ABCC9: variants seen among roughly 807,000 people sequenced by gnomAD.
The protein encoded by ABCC9 is ATP binding cassette subfamily C member 9.
Under a neutral mutation model 188.3 loss-of-function variants are expected in ABCC9, and 95 were observed. That is an observed-to-expected ratio of 0.50 (90% CI 0.43 to 0.60). ABCC9 has a LOEUF of 0.60. ABCC9 is among the 20% of genes least tolerant of loss of function. The pLI, the probability that ABCC9 is intolerant of heterozygous loss-of-function variation, is 0.00. For missense variants in ABCC9, 1,102 were observed against 1,876.3 expected, an observed-to-expected ratio of 0.59 and a Z score of 7.62; for synonymous variants, 659 against 652.7, an observed-to-expected ratio of 1.01 and a Z score of -0.15.
chr12:21,915,300 G>GTA (rs1308564491), intron 7 of ABCC9, among the ~76,000 whole-genome samples: 66 of 132,912 alleles, frequency 5.0e-4, no homozygotes, highest in Middle Eastern at 4.2e-3. Context: ...ATATACATGT[G>GTA]TATATATATA....
intron 13 of ABCC9, among the ~76,000 whole-genome samples, 165 bp from the exon 14 acceptor site, chr12:21,894,339 G>A (rs1020731757): frequency 3.3e-5 from 5 of 151,964 alleles, no homozygotes; most frequent in Non-Finnish European, 7.4e-5. Context: ...ACTTGCTTTT[G>A]GTAAGTCCTG....
In ABCC9 at chr12:21,861,231, C is replaced by T. The variant is rs2418020; in HGVS notation, c.2340-176G>A. Reference sequence around the variant, plus strand: ...GATACATAAGTACTACTTCCCCCCCCTTTTTTTTTTTTTTTTGAAGACAGA... The same window carrying T: ...GATACATAAGTACTACTTCCCCCCCTTTTTTTTTTTTTTTTTGAAGACAGA... On this transcript the variant is annotated intron_variant, in intron 20 of 39. Coordinates refer to ENST00000261200, the MANE Select transcript of ABCC9 (RefSeq NM_020297.4). 0.58 allele frequency among the ~76,000 whole-genome samples: 85,854 copies of T among 148,342 alleles called. 25,994 individuals carry two copies. Among genetic ancestry groups the T allele is most frequent in the East Asian group, 0.7 (3,523 of 5,016 alleles).
rs921313221 is a variant in ABCC9 at position 21,887,762 on chromosome 12, A to G, written c.1911+64T>C. 7 of 1,052,080 alleles carry G rather than the reference A, an allele frequency of 6.7e-6. No homozygotes were observed. The Admixed American group carries it at 1.0e-4, about 15-fold the overall frequency. 65.2% of individuals were successfully genotyped at this position (1,052,080 alleles called of 1,614,324 possible). A position where few individuals can be genotyped will look rare whatever the true frequency, so the allele number is the denominator to read the frequency against. On this transcript the variant is annotated intron_variant, in intron 15 of 39. Coordinates refer to ENST00000261200, the MANE Select transcript of ABCC9 (RefSeq NM_020297.4). ...AATCTCTTCTAACTCAGTTGTATTA[A>G]TCTGTCCATTCTGCTGAGACTGTCC... is the stretch of plus-strand genomic sequence containing the variant.
intron 14 of ABCC9, among the ~76,000 whole-genome samples, chr12:21,891,041 A>T (rs1237476023): frequency 6.6e-6 from 1 of 152,076 alleles, no homozygotes. Context: ...AACTTCAAGG[A>T]TGGCCATTAT....
At chr12:21,901,184 A>G (rs1027191348) in intron 12 of ABCC9, among the ~76,000 whole-genome samples, 1 of 152,206 alleles carries the variant, frequency 6.6e-6, no homozygotes, top group Non-Finnish European at 1.5e-5. Context: ...TCAACCCAGA[A>G]TTTCATATCC....
intron 19 of ABCC9, among the ~76,000 whole-genome samples, chr12:21,864,097 T>A (rs922557150): frequency 2.6e-5 from 4 of 152,072 alleles, no homozygotes; most frequent in Non-Finnish European, 5.9e-5. Flanking sequence ...TACAGATGGA[T>A]CCCATCACTG....
At chr12:21,817,372 G>T in intron 32 of ABCC9, 65 bp from the exon 33 acceptor site, 1 of 1,520,648 alleles carries the variant, frequency 6.6e-7, no homozygotes, top group South Asian at 1.1e-5. Context: ...GTTAATCACC[G>T]GAAATTTTGG....
At chr12:21,891,594 T>C (rs1219584185) in intron 14 of ABCC9, among the ~76,000 whole-genome samples, 3 of 152,262 alleles carry the variant, frequency 2.0e-5, no homozygotes, top group East Asian at 1.9e-4. Context: ...AAAGAAAGCA[T>C]AGAATTGTTT....
chr12:21,876,816 G>C (rs1946374199), intron 16 of ABCC9, among the ~76,000 whole-genome samples: 1 of 152,168 alleles, frequency 6.6e-6, no homozygotes, highest in Admixed American at 6.5e-5. Context: ...CTGTTGTTTA[G>C]GAATTTTGCA....
intron 15 of ABCC9, among the ~76,000 whole-genome samples, chr12:21,883,950 A>G (rs1318539767): frequency 1.3e-5 from 2 of 152,348 alleles, no homozygotes; most frequent in Non-Finnish European, 2.9e-5. Flanking sequence ...TCAGTTTCAC[A>G]CAGAGATAAA....
At chr12:21,917,745 A>G (rs1366210826) in intron 5 of ABCC9, among the ~76,000 whole-genome samples, 2 of 152,190 alleles carry the variant, frequency 1.3e-5, no homozygotes, top group Admixed American at 1.3e-4. Flanking sequence ...CCGCAAAACT[A>G]CAATCAGCAT....
chr12:21,836,772 A>C (rs1944123248), intron 30 of ABCC9, among the ~76,000 whole-genome samples: 1 of 152,224 alleles, frequency 6.6e-6, no homozygotes, highest in Non-Finnish European at 1.5e-5. Flanking sequence ...CAACAACAAA[A>C]AAAAGAAAAA....
At chr12:21,870,761 T>G (rs922461206) in intron 18 of ABCC9, among the ~76,000 whole-genome samples, 5 of 146,030 alleles carry the variant, frequency 3.4e-5, no homozygotes, top group Admixed American at 1.4e-4. Flanking sequence ...ATTTAAAAAT[T>G]TTCTTTATCT....
At chr12:21,912,846 T>C (rs1039342333) in intron 8 of ABCC9, 26 bp downstream of exon 8, 3 of 1,606,076 alleles carry the variant, frequency 1.9e-6, no homozygotes, top group African/African-American at 1.3e-5. Flanking sequence ...ATAATATGTT[T>C]CCATTGAAAA....
At chr12:21,874,835 G>A (rs1213358661) in intron 17 of ABCC9, among the ~76,000 whole-genome samples, 1 of 152,070 alleles carries the variant, frequency 6.6e-6, no homozygotes, top group Non-Finnish European at 1.5e-5. Flanking sequence ...AACTAATTTA[G>A]TCAAAATTTT....
chr12:21,811,243 G>T (rs1488222554), intron 36 of ABCC9, among the ~76,000 whole-genome samples: 1 of 152,132 alleles, frequency 6.6e-6, no homozygotes, highest in Non-Finnish European at 1.5e-5. Context: ...CTTCCGCCAT[G>T]ATTGTAAGTT....
intron 17 of ABCC9, among the ~76,000 whole-genome samples, chr12:21,873,885 T>G (rs1946203468): frequency 1.3e-5 from 2 of 152,194 alleles, no homozygotes; most frequent in East Asian, 1.9e-4. Flanking sequence ...GATTAAAAAC[T>G]TAAATGTCAG....
At chr12:21,813,791 G>A (rs1942423088) in intron 35 of ABCC9, among the ~76,000 whole-genome samples, 1 of 152,222 alleles carries the variant, frequency 6.6e-6, no homozygotes, top group Non-Finnish European at 1.5e-5. Context: ...CCATGTTGTT[G>A]TTCATAAACT....
At chr12:21,900,204 G>A (rs560504300) in intron 12 of ABCC9, among the ~76,000 whole-genome samples, 6 of 152,294 alleles carry the variant, frequency 3.9e-5, no homozygotes, top group African/African-American at 1.2e-4. Flanking sequence ...AACAGGGTCT[G>A]GAGTGGACCT....
Sources: gnomAD v4.1 joint callset for allele counts (sites outside exome capture counted in the v4.1 genomes callset) on GRCh38, gnomAD v4.1.1 for gene constraint, MANE v1.5 for transcripts, NCBI Gene and HGNC (gene_info 2026-07-23, HGNC 2026-07-21) for gene names.